PLEKHA6: variants seen among roughly 807,000 people sequenced by gnomAD.
PLEKHA6 encodes the protein pleckstrin homology domain-containing family A member 6.
Under a neutral mutation model 116.7 loss-of-function variants are expected in PLEKHA6, and 60 were observed. The observed-to-expected ratio is 0.51, with a 90% CI of 0.42 to 0.64. The LOEUF is 0.64. Among genes scored for constraint, PLEKHA6 ranks in the 30% least tolerant of loss-of-function variants. The probability of loss-of-function intolerance (pLI) is 0.00; values close to 1 mark genes in which losing one functional copy is unlikely to be tolerated. For missense variants in PLEKHA6, 1,338 were observed against 1,422.7 expected (o/e 0.94, Z 0.96); for synonymous variants, 489 against 556.1 (o/e 0.88, Z 1.70).
At chr1:204,282,126 G>A (rs1485073366) in intron 1 of PLEKHA6, among the ~76,000 whole-genome samples, 1 of 151,864 alleles carries the variant, frequency 6.6e-6, no homozygotes, top group Non-Finnish European at 1.5e-5. Flanking sequence ...GGGCCTGGGT[G>A]GTCCCTTATT....
At chr1:204,281,095 G>A in intron 1 of PLEKHA6, 5 of 570,474 alleles carry the variant, frequency 8.8e-6, no homozygotes, top group South Asian at 7.6e-5. Flanking sequence ...GCAGAGGCAG[G>A]AGGATCACTT....
chr1:204,318,018 A>G (rs968411376), intron 1 of PLEKHA6, among the ~76,000 whole-genome samples: 1 of 152,232 alleles, frequency 6.6e-6, no homozygotes, highest in African/African-American at 2.4e-5. Flanking sequence ...TTATACACAC[A>G]TGAGTGCATG....
At chr1:204,309,766 A>G in intron 1 of PLEKHA6, 1 of 843,986 alleles carries the variant, frequency 1.2e-6, no homozygotes, top group Non-Finnish European at 1.4e-6. Flanking sequence ...ATTTATGTTA[A>G]CTACCAATAT....
At chr1:204,343,538 C>T (rs571370034) in intron 1 of PLEKHA6, among the ~76,000 whole-genome samples, 11 of 152,226 alleles carry the variant, frequency 7.2e-5, no homozygotes, top group African/African-American at 1.2e-4. Context: ...CTGGGTTATA[C>T]GCTCTCCCCA....
intron 17 of PLEKHA6, among the ~76,000 whole-genome samples, chr1:204,237,711 C>A (rs1329754919): frequency 6.6e-6 from 1 of 152,204 alleles, no homozygotes; most frequent in Non-Finnish European, 1.5e-5. Flanking sequence ...CTGGCAAGGC[C>A]AACAATATAC....
At chr1:204,340,039 G>A (rs749857248) in intron 1 of PLEKHA6, among the ~76,000 whole-genome samples, 1 of 152,136 alleles carries the variant, frequency 6.6e-6, no homozygotes, top group Non-Finnish European at 1.5e-5. Flanking sequence ...AGTTAATTAA[G>A]CATTACTTTT....
Position 204,228,018 on chromosome 1 carries a change from T to C in PLEKHA6, c.3031+65A>G. On this transcript the variant is annotated intron_variant, in intron 21 of 22. Transcript: ENST00000272203. This position sits in a 1 kb window ranked among gnomAD's most constrained non-coding sequence, Gnocchi z 4.0. ...TGCCCCCCTTGTAGCAGTGCCACGC[T>C]TCCTCCCTTAAACCTGGTCAGCTGG... 1 of 1,537,812 alleles carries C rather than the reference T, an allele frequency of 6.5e-7. No homozygotes were observed. Among genetic ancestry groups the C allele is most frequent in the East Asian group, 2.3e-5 (1 of 43,570 alleles).
chr1:204,228,373 G>C lies in PLEKHA6; in HGVS notation c.2886-145C>G. 1.3e-6 allele frequency: 1 copy of C among 780,110 alleles called. No homozygotes were observed. The highest frequency in any genetic ancestry group is 2.1e-6 in the Non-Finnish European group (1 of 483,560). The allele number at this position is 780,110 out of a possible 1,614,324, so 48.3% of individuals were successfully genotyped here. On this transcript the variant is annotated intron_variant, in intron 20 of 22. Transcript: ENST00000272203. The surrounding 1 kb of genome is among the most constrained non-coding windows in gnomAD (Gnocchi z 4.0). The stretch of plus-strand genomic sequence containing the variant: ...GTTCCCAGCAAGGCTGTCCCTAGGA[G>C]TGAGTGGGACCCTGGCAAAACACAG...
rs749670794 is a variant in PLEKHA6 at position 204,257,090 on chromosome 1, C to T, written c.1524+263G>A. 2.6e-5 allele frequency among the ~76,000 whole-genome samples: 4 copies of T among 152,216 alleles called. No individual in the cohort carries two copies. Among genetic ancestry groups the T allele is most frequent in the South Asian group, 2.1e-4 (1 of 4,830 alleles). On this transcript the variant is annotated intron_variant, in intron 9 of 22. Coordinates refer to ENST00000272203, the MANE Select transcript of PLEKHA6 (RefSeq NM_014935.5). This position sits in a 1 kb window ranked among gnomAD's most constrained non-coding sequence, Gnocchi z 6.5. ...GAACCCTCTCTGCCCTCTTATATGA[C>T]GGCATGGTATCTGGCACAACTTGGG...
intron 1 of PLEKHA6, among the ~76,000 whole-genome samples, chr1:204,298,803 C>T (rs527941744): frequency 2.5e-4 from 38 of 152,244 alleles, no homozygotes; most frequent in Non-Finnish European, 2.1e-4. Context: ...CAGCCAAAAT[C>T]CCTCCCCAGG....
intron 10 of PLEKHA6, among the ~76,000 whole-genome samples, chr1:204,249,479 G>C (rs1029834560): frequency 6.6e-6 from 1 of 152,166 alleles, no homozygotes; most frequent in Admixed American, 6.5e-5. Flanking sequence ...CTCTGAGGAA[G>C]TGAGTTGGGT....
At chr1:204,335,848 C>T (rs538272584) in intron 1 of PLEKHA6, among the ~76,000 whole-genome samples, 2 of 152,242 alleles carry the variant, frequency 1.3e-5, no homozygotes, top group Admixed American at 6.5e-5. Context: ...GACCCAGACC[C>T]CATAGCTTTG....
chr1:204,219,957 A>G lies in PLEKHA6; in HGVS notation c.*2831T>C, dbSNP rs1276668597. On this transcript the variant is annotated 3_prime_UTR_variant, in exon 23 of 23. Coordinates refer to ENST00000272203, the MANE Select transcript of PLEKHA6 (RefSeq NM_014935.5). ...CATGCCTTTGGTACAGCCCCCAGAGAGAAAGGTTGCAGAGGGGGGATGTCA... is the reference window on the plus strand; with the variant it reads ...CATGCCTTTGGTACAGCCCCCAGAGGGAAAGGTTGCAGAGGGGGGATGTCA... 1.3e-5 allele frequency: 2 copies of G among 152,166 alleles called. No individual in the cohort carries two copies. The highest frequency in any genetic ancestry group is 4.8e-5 in the African/African-American group (2 of 41,404). 9.4% of individuals were successfully genotyped at this position (152,166 alleles called of 1,614,324 possible). A position where few individuals can be genotyped will look rare whatever the true frequency, so the allele number is the denominator to read the frequency against.
intron 7 of PLEKHA6, among the ~76,000 whole-genome samples, chr1:204,260,039 G>A (rs1375784252): frequency 6.6e-6 from 1 of 152,066 alleles, no homozygotes; most frequent in East Asian, 1.9e-4. Context: ...TCTGCTTTGA[G>A]CCCAGCCTTC....
At chr1:204,323,209 C>A (rs995241834) in intron 1 of PLEKHA6, among the ~76,000 whole-genome samples, 2 of 152,256 alleles carry the variant, frequency 1.3e-5, no homozygotes, top group African/African-American at 4.8e-5. Context: ...CAGAGCCTTG[C>A]CTGGGGGAGG....
At chr1:204,370,839 A>C (rs1348472820) in intron 2 of PLEKHA6, among the ~76,000 whole-genome samples, 2 of 152,124 alleles carry the variant, frequency 1.3e-5, no homozygotes, top group Non-Finnish European at 2.9e-5. Flanking sequence ...GGATCACCTG[A>C]GGTCAGGAGT....
intron 1 of PLEKHA6, among the ~76,000 whole-genome samples, chr1:204,325,065 G>A (rs942778423): frequency 2.6e-5 from 4 of 152,122 alleles, no homozygotes; most frequent in Non-Finnish European, 4.4e-5. Flanking sequence ...TTTGATCAGA[G>A]CTTTCAGCAA....
At chr1:204,336,707 A>G (rs1672660809) in intron 1 of PLEKHA6, among the ~76,000 whole-genome samples, 1 of 152,182 alleles carries the variant, frequency 6.6e-6, no homozygotes, top group African/African-American at 2.4e-5. Flanking sequence ...GCTTGTAAGC[A>G]CAAAAGACAT....
intron 9 of PLEKHA6, among the ~76,000 whole-genome samples, chr1:204,251,072 TA>T (rs745656958): frequency 1.3e-5 from 2 of 152,168 alleles, no homozygotes; most frequent in Non-Finnish European, 2.9e-5. Flanking sequence ...GGCTTGTGTC[TA>T]AACAAAAATT....
Sources: gnomAD v4.1 joint callset for allele counts (sites outside exome capture counted in the v4.1 genomes callset) on GRCh38, gnomAD v4.1.1 for gene constraint, Gnocchi (gnomAD v3.1) non-coding constraint, MANE v1.5 for transcripts, NCBI Gene and HGNC (gene_info 2026-07-23, HGNC 2026-07-21) for gene names.